Variants in PCDHAC1 observed in about 807,000 individuals in gnomAD.
The protein encoded by PCDHAC1 is protocadherin alpha-C1.
PCDHAC1 carries 42 observed loss-of-function variants against 60.0 expected under a neutral mutation model. That is an observed-to-expected ratio of 0.70 (90% CI 0.55 to 0.90). PCDHAC1 has a LOEUF of 0.90. Ranked by LOEUF, PCDHAC1 falls within the 40% of genes least tolerant of loss-of-function variation. PCDHAC1 has a pLI of 0.00. For synonymous variants in PCDHAC1, 468 were observed against 499.3 expected, an observed-to-expected ratio of 0.94 and a Z score of 0.84; for missense variants, 1,160 against 1,222.3, an observed-to-expected ratio of 0.95 and a Z score of 0.76.
rs1228559116 is a variant in PCDHAC1, at chr5:140,927,616, G to A, written c.724G>A (p.Val242Ile). Residue 242 changes from valine to isoleucine, a missense_variant, in exon 1 of 4, where the codon GTT becomes ATT. Physicochemically the swap from Val to Ile is conservative, Grantham distance 29. This residue lies in a region of PCDHAC1 where 1,113 missense variants were observed against 1,163.7 expected (regional missense o/e 0.96). Coordinates refer to ENST00000253807, the MANE Select transcript of PCDHAC1 (RefSeq NM_018898.5). ...TGAGCGCTCCGTATACCGCACCAAG[G>A]TTCCAGAGACTGCACCCAATGGGAC... ...VFERSVYRTK[V>I]PETAPNGTVL... 1.1e-5 allele frequency: 18 copies of A among 1,614,046 alleles called. No individual in the cohort carries two copies. Among genetic ancestry groups the A allele is most frequent in the Non-Finnish European group, 1.5e-5 (18 of 1,180,038 alleles).
intron 1 of PCDHAC1, 174 bp downstream of exon 1, chr5:140,929,499 C>T: frequency 1.0e-6 from 1 of 980,264 alleles, no homozygotes; most frequent in Non-Finnish European, 1.4e-6. Context: ...GAAGATTGCC[C>T]TAGGCCTCAA....
intron 1 of PCDHAC1, among the ~76,000 whole-genome samples, chr5:140,953,962 T>C (rs2153701012): frequency 6.6e-6 from 1 of 152,196 alleles, no homozygotes; most frequent in Admixed American, 6.5e-5. Flanking sequence ...CAGGCCCCAG[T>C]GTGTGTTGTT....
At position 141,010,411 on chromosome 5, in the gene PCDHAC1, G is replaced by A. The variant is rs1215041869; in HGVS notation, c.*474G>A. On this transcript the variant is annotated 3_prime_UTR_variant, in exon 4 of 4. Coordinates refer to ENST00000253807, the MANE Select transcript of PCDHAC1 (RefSeq NM_018898.5). Reference sequence around the variant, plus strand: ...TGAGACGAGCCAGCTTAGACTAATTGGTACAAGGAAGGCAAGAAAACAAAG... The same window carrying A: ...TGAGACGAGCCAGCTTAGACTAATTAGTACAAGGAAGGCAAGAAAACAAAG... The A allele has an allele frequency of 8.2e-7, 1 of 1,224,354 alleles. No individual in the cohort carries two copies. Among genetic ancestry groups the A allele is most frequent in the Admixed American group, 2.9e-5 (1 of 35,038 alleles). 75.8% of individuals were successfully genotyped at this position (1,224,354 alleles called of 1,614,324 possible).
At chr5:140,946,631 T>TATATATACAC (rs57893927) in intron 1 of PCDHAC1, among the ~76,000 whole-genome samples, 11,667 of 131,732 alleles carry the variant, frequency 0.089, 743 homozygotes, top group Middle Eastern at 0.14. Context: ...TATATATATA[T>TATATATACAC]ACAATGGAAT....
chr5:140,969,491 C>T (rs2096337176), intron 1 of PCDHAC1: 8 of 1,449,294 alleles, frequency 5.5e-6, no homozygotes, highest in Non-Finnish European at 7.3e-6. Context: ...CTGCTATTTC[C>T]TCTCTAGAAA....
chr5:140,944,608 G>A (rs2093673405), intron 1 of PCDHAC1, among the ~76,000 whole-genome samples: 1 of 152,176 alleles, frequency 6.6e-6, no homozygotes, highest in Non-Finnish European at 1.5e-5. Flanking sequence ...AGAGTAGTGT[G>A]CTGTAGAAGT....
intron 3 of PCDHAC1, among the ~76,000 whole-genome samples, chr5:141,005,619 G>A (rs996010701): frequency 6.8e-5 from 10 of 146,082 alleles, no homozygotes; most frequent in South Asian, 2.2e-4. Flanking sequence ...GGAGAATGGC[G>A]TGAACCCGGG....
In PCDHAC1 at chr5:140,927,905, C is replaced by T; in HGVS notation, c.1013C>T (p.Pro338Leu). 1.9e-6 allele frequency: 3 copies of T among 1,614,210 alleles called. No homozygotes were observed. Among genetic ancestry groups the T allele is most frequent in the Non-Finnish European group, 2.5e-6 (3 of 1,180,024 alleles). ...VEVTDVNDHA[P>L]ELDFLTLSNP... ...GTGACTGACGTGAACGATCATGCCC[C>T]CGAACTGGACTTCCTGACTCTTTCG... The change falls in exon 1 of 4, where the codon CCC becomes CTC. Residue 338 changes from proline to leucine, a missense_variant. By Grantham distance (98) the Pro-to-Leu change is moderately conservative. Around this residue, in one of 3 missense-constraint regions of PCDHAC1, gnomAD observed 1,113 missense variants for 1,163.7 expected, o/e 0.96. Coordinates refer to ENST00000253807, the MANE Select transcript of PCDHAC1 (RefSeq NM_018898.5).
intron 1 of PCDHAC1, among the ~76,000 whole-genome samples, chr5:140,933,534 ATAATGT>A (rs1401849089): frequency 6.6e-6 from 1 of 152,102 alleles, no homozygotes; most frequent in Non-Finnish European, 1.5e-5. Context: ...TAAACTCAAA[ATAATGT>A]TAATATAAAA....
At position 140,926,550 on chromosome 5, in the gene PCDHAC1, C is replaced by A. The variant is rs1235832737; in HGVS notation, c.-343C>A. On this transcript the variant is annotated 5_prime_UTR_variant, in exon 1 of 4. Coordinates refer to ENST00000253807, the MANE Select transcript of PCDHAC1 (RefSeq NM_018898.5). Reference sequence around the variant, plus strand: ...CCGCAGCCAGCGTGGTGGTCGAGACCCCAGCCCGCTGCTACTGGAGACAGC... The same window carrying A: ...CCGCAGCCAGCGTGGTGGTCGAGACACCAGCCCGCTGCTACTGGAGACAGC... 1.7e-5 allele frequency: 4 copies of A among 233,488 alleles called. No homozygotes were observed. Among genetic ancestry groups the A allele is most frequent in the Admixed American group, 5.6e-5 (1 of 17,776 alleles). The allele number at this position is 233,488 out of a possible 1,614,324, so 14.5% of individuals were successfully genotyped here. A position where few individuals can be genotyped will look rare whatever the true frequency, so the allele number is the denominator to read the frequency against.
chr5:140,955,078 G>T lies in PCDHAC1; in HGVS notation c.2434-23871G>T, dbSNP rs192023775. On this transcript the variant is annotated intron_variant, in intron 1 of 3. Transcript: ENST00000253807. ...TTGTCAGGTTTGTTGAAGATCAGAT[G>T]GTTGTAGGTGTGTGGTGTTATTTCT... Among the ~76,000 whole-genome samples, 36 of 152,228 alleles carry T rather than the reference G, an allele frequency of 2.4e-4. No homozygotes were observed. In the East Asian group the frequency reaches 6.6e-3, roughly 28 times the overall value.
rs782694866 is a variant in PCDHAC1, at chr5:140,927,826, G to A, written c.934G>A (p.Ala312Thr). The A allele has an allele frequency of 6.2e-7, 1 of 1,614,194 alleles. No individual in the cohort carries two copies. Among genetic ancestry groups the A allele is most frequent in the Middle Eastern group, 1.6e-4 (1 of 6,062 alleles). ...PETLLEAYIEARDEGVFGLAS... is the reference protein window; with the variant it reads ...PETLLEAYIETRDEGVFGLAS... ...AACGCTCTTGGAGGCATACATTGAGGCGAGGGACGAAGGTGTCTTTGGTTT... is the reference window on the plus strand; with the variant it reads ...AACGCTCTTGGAGGCATACATTGAGACGAGGGACGAAGGTGTCTTTGGTTT... The change falls in exon 1 of 4, where the codon GCG becomes ACG. Residue 312 changes from alanine to threonine, a missense_variant. By Grantham distance (58) the Ala-to-Thr change is moderately conservative (BLOSUM62 0). Around this residue, in one of 3 missense-constraint regions of PCDHAC1, gnomAD observed 1,113 missense variants for 1,163.7 expected, o/e 0.96. Coordinates refer to ENST00000253807, the MANE Select transcript of PCDHAC1 (RefSeq NM_018898.5).
intron 1 of PCDHAC1, among the ~76,000 whole-genome samples, chr5:140,950,049 CTATT>C (rs2094445672): frequency 1.3e-5 from 2 of 151,756 alleles, no homozygotes; most frequent in Non-Finnish European, 3.0e-5. Flanking sequence ...CCATATAAGA[CTATT>C]TAGCTCTTCC....
At chr5:141,002,134 C>T (rs1477082485) in intron 3 of PCDHAC1, among the ~76,000 whole-genome samples, 1 of 152,216 alleles carries the variant, frequency 6.6e-6, no homozygotes, top group African/African-American at 2.4e-5. Flanking sequence ...TAGCCTTTGC[C>T]GGCTGCACTG....
chr5:140,978,217 A>G (rs1554239114), intron 1 of PCDHAC1, among the ~76,000 whole-genome samples: 2 of 152,222 alleles, frequency 1.3e-5, no homozygotes, highest in East Asian at 1.9e-4. Flanking sequence ...TGCAAAATGT[A>G]TCAGGTTTTT....
chr5:140,967,837 C>T (rs2096189054), intron 1 of PCDHAC1: 4 of 1,613,994 alleles, frequency 2.5e-6, no homozygotes, highest in African/African-American at 2.7e-5. Context: ...ACATCGTGGA[C>T]GTGAATGACA....
At position 141,010,228 on chromosome 5, in the gene PCDHAC1, C is replaced by T. The variant is rs1290626143; in HGVS notation, c.*291C>T. The stretch of plus-strand genomic sequence containing the variant: ...CCGCAAAGGAGAGGCTTCCCAGCCC[C>T]GCCAGTGAGAGGTTGGACTCTCTGC... On this transcript the variant is annotated 3_prime_UTR_variant, in exon 4 of 4. Coordinates refer to ENST00000253807, the MANE Select transcript of PCDHAC1 (RefSeq NM_018898.5). 35 of 1,551,916 alleles carry T rather than the reference C, an allele frequency of 2.3e-5. No homozygotes were observed. The highest frequency in any genetic ancestry group is 2.8e-5 in the Non-Finnish European group (32 of 1,147,054).
chr5:140,966,962 G>A (rs370831122), intron 1 of PCDHAC1: 1 of 1,602,750 alleles, frequency 6.2e-7, no homozygotes, highest in Non-Finnish European at 8.5e-7. Context: ...TCGCGCGCTG[G>A]GGCTTGAGCT....
chr5:140,957,698 A>T (rs1554223065), intron 1 of PCDHAC1, among the ~76,000 whole-genome samples: 1 of 152,174 alleles, frequency 6.6e-6, no homozygotes. Flanking sequence ...AATGAACATT[A>T]TGTAGTTTTT....
Sources: allele counts gnomAD v4.1 joint callset (sites outside exome capture counted in the v4.1 genomes callset), GRCh38; gene constraint gnomAD v4.1.1; regional missense constraint gnomAD v4.1.1; transcripts MANE v1.5; gene names NCBI Gene and HGNC (gene_info 2026-07-23, HGNC 2026-07-21).